IL15: variants seen among roughly 807,000 people sequenced by gnomAD.
The protein encoded by IL15 is interleukin-15.
Under a neutral mutation model 19.6 loss-of-function variants are expected in IL15, and 11 were observed. The observed-to-expected ratio is 0.56, with a 90% CI of 0.35 to 0.93. IL15 has a LOEUF of 0.93. Among genes scored for constraint, IL15 ranks in the 40% least tolerant of loss-of-function variants. The pLI is 0.01. For missense variants in IL15, 197 were observed against 186.5 expected (o/e 1.06, Z -0.33); for synonymous variants, 58 against 59.6 (o/e 0.97, Z 0.12).
At chr4:141,706,899 T>C (rs1729534252) in intron 2 of IL15, among the ~76,000 whole-genome samples, 1 of 152,152 alleles carries the variant, frequency 6.6e-6, no homozygotes, top group Admixed American at 6.5e-5. Context: ...CTTTTGGGGT[T>C]CAATTTAATT....
chr4:141,666,115 T>TATTTA (rs1560908805), intron 2 of IL15, among the ~76,000 whole-genome samples: 5 of 150,140 alleles, frequency 3.3e-5, no homozygotes, highest in Admixed American at 6.6e-5. Context: ...TTTATTTATT[T>TATTTA]TTTGAGACGG....
intron 2 of IL15, chr4:141,715,813 A>C (rs1307157043): frequency 6.6e-6 from 1 of 152,202 alleles, no homozygotes; most frequent in Non-Finnish European, 1.5e-5. Context: ...GTGTGATTAG[A>C]CAAGTTAATA....
At chr4:141,661,618 C>T (rs978928453) in intron 2 of IL15, among the ~76,000 whole-genome samples, 2 of 152,154 alleles carry the variant, frequency 1.3e-5, no homozygotes, top group African/African-American at 4.8e-5. Context: ...GACAAGTTAA[C>T]AGCCTGTGTG....
intron 2 of IL15, among the ~76,000 whole-genome samples, chr4:141,670,349 A>G (rs67671595): frequency 0.015 from 2,239 of 152,252 alleles, 30 homozygotes; most frequent in Middle Eastern, 0.041. Context: ...TGCTTTAACT[A>G]TGGGATTAAA....
At chr4:141,641,682 G>A (rs1727048452) in intron 1 of IL15, among the ~76,000 whole-genome samples, 1 of 136,972 alleles carries the variant, frequency 7.3e-6, no homozygotes, top group South Asian at 2.6e-4. Flanking sequence ...CACACACCGG[G>A]GCCTGTCATG....
intron 2 of IL15, among the ~76,000 whole-genome samples, chr4:141,689,357 G>A (rs949561237): frequency 1.1e-4 from 16 of 152,116 alleles, no homozygotes; most frequent in African/African-American, 3.4e-4. Flanking sequence ...GGCGCTGATT[G>A]GTGCGTTTAC....
chr4:141,705,347 T>G (rs1267582186), intron 2 of IL15, among the ~76,000 whole-genome samples: 1 of 152,012 alleles, frequency 6.6e-6, no homozygotes, highest in East Asian at 1.9e-4. Flanking sequence ...ATTGGTTATT[T>G]AAGAAAAAGT....
At chr4:141,652,579 G>A (rs1727446501) in intron 1 of IL15, among the ~76,000 whole-genome samples, 1 of 152,156 alleles carries the variant, frequency 6.6e-6, no homozygotes, top group South Asian at 2.1e-4. Flanking sequence ...CTGCTACAGA[G>A]ATCCAATGCT....
At chr4:141,730,923 T>G (rs950055874) in intron 7 of IL15, among the ~76,000 whole-genome samples, 1 of 152,074 alleles carries the variant, frequency 6.6e-6, no homozygotes, top group African/African-American at 2.4e-5. Context: ...AACCAAGCAC[T>G]CAGCAAATGA....
At chr4:141,676,273 A>G (rs1157693522) in intron 2 of IL15, among the ~76,000 whole-genome samples, 1 of 152,240 alleles carries the variant, frequency 6.6e-6, no homozygotes, top group African/African-American at 2.4e-5. Flanking sequence ...AAGGGAAAAG[A>G]TAAACACCAG....
intron 2 of IL15, among the ~76,000 whole-genome samples, chr4:141,693,914 G>C (rs1729007884): frequency 6.6e-6 from 1 of 152,194 alleles, no homozygotes; most frequent in Non-Finnish European, 1.5e-5. Context: ...AATTGGTGAG[G>C]TCAAGAGTTT....
At chr4:141,675,212 A>T (rs548260615) in intron 2 of IL15, among the ~76,000 whole-genome samples, 1 of 152,306 alleles carries the variant, frequency 6.6e-6, no homozygotes, top group South Asian at 2.1e-4. Flanking sequence ...GAAAAAGTTA[A>T]GTGTGACACT....
intron 2 of IL15, among the ~76,000 whole-genome samples, chr4:141,709,924 A>C (rs1729657511): frequency 1.3e-5 from 2 of 151,068 alleles, no homozygotes; most frequent in African/African-American, 2.4e-5. Context: ...TTCTCCTCCC[A>C]CCCTCCCCCC....
chr4:141,670,368 T>C (rs1728131519), intron 2 of IL15, among the ~76,000 whole-genome samples: 1 of 152,160 alleles, frequency 6.6e-6, no homozygotes, highest in Non-Finnish European at 1.5e-5. Flanking sequence ...AAGGGGGTTA[T>C]AGCCTTTCAA....
At chr4:141,655,137 C>G (rs959678432) in intron 1 of IL15, among the ~76,000 whole-genome samples, 14 of 152,044 alleles carry the variant, frequency 9.2e-5, no homozygotes, top group Non-Finnish European at 2.1e-4. Context: ...TTCTCATGCT[C>G]CTGCAGGATT....
chr4:141,712,404 A>G (rs141912137), intron 2 of IL15, among the ~76,000 whole-genome samples: 17 of 152,166 alleles, frequency 1.1e-4, no homozygotes, highest in Non-Finnish European at 2.4e-4. Flanking sequence ...TTTCAAAAAC[A>G]TTTATACCAA....
At chr4:141,639,229 T>G (rs182461279) in intron 1 of IL15, among the ~76,000 whole-genome samples, 2 of 152,184 alleles carry the variant, frequency 1.3e-5, no homozygotes, top group African/African-American at 4.8e-5. Context: ...GTGGTATTTA[T>G]GGAGGATGGT....
intron 2 of IL15, among the ~76,000 whole-genome samples, chr4:141,707,942 G>A (rs1729579448): frequency 6.6e-6 from 1 of 152,210 alleles, no homozygotes; most frequent in Admixed American, 6.5e-5. Context: ...GATGAGCACA[G>A]CAATGCCAAG....
At chr4:141,681,612 G>A (rs751792101) in intron 2 of IL15, among the ~76,000 whole-genome samples, 1 of 152,038 alleles carries the variant, frequency 6.6e-6, no homozygotes, top group East Asian at 1.9e-4. Flanking sequence ...GGGTACCTGA[G>A]GGAATTTAAA....
Sources: allele counts gnomAD v4.1 joint callset (sites outside exome capture counted in the v4.1 genomes callset), GRCh38; gene constraint gnomAD v4.1.1; transcripts MANE v1.5; gene names NCBI Gene and HGNC (gene_info 2026-07-23, HGNC 2026-07-21).